The following PGAP2 variants were observed in gnomAD, a reference collection of about 807,000 sequenced individuals.
The protein encoded by PGAP2 is post-GPI attachment to proteins 2.
Under a neutral mutation model 33.2 loss-of-function variants are expected in PGAP2, and 21 were observed. That is an observed-to-expected ratio of 0.63 (90% confidence interval 0.45 to 0.91). The LOEUF (loss-of-function observed/expected upper bound fraction) is 0.91. PGAP2 is among the 40% of genes least tolerant of loss of function. PGAP2 has a pLI of 0.00. For missense variants in PGAP2, 345 were observed against 424.0 expected (o/e 0.81, Z 1.64); for synonymous variants, 161 against 172.9 (o/e 0.93, Z 0.54).
Position 3,823,899 on chromosome 11 carries a change from C to T in PGAP2, c.365C>T (p.Pro122Leu), listed in dbSNP as rs1395853662. 6.2e-7 allele frequency: 1 copy of T among 1,604,454 alleles called. No homozygotes were observed. Among genetic ancestry groups the T allele is most frequent in the South Asian group, 1.1e-5 (1 of 91,072 alleles). Residue 122 changes from proline to leucine, a missense_variant, in exon 4 of 7, where the codon CCC becomes CTC. Around this residue, in one of 2 missense-constraint regions of PGAP2, gnomAD observed 311 missense variants for 353.6 expected, o/e 0.88. Transcript: ENST00000278243. ...ATDCGVPNYL[P>L]SVSSAIGGEV... ...ACTCTCTAGGTGCCCAATTACCTGC[C>T]CTCGGTGAGCTCAGCCATCGGCGGG...
upstream of PGAP2, among the ~76,000 whole-genome samples, chr11:3,803,829 C>T (rs569178935): frequency 2.0e-5 from 3 of 149,168 alleles, 1 homozygote; most frequent in South Asian, 6.3e-4. Context: ...CTCATTGTGT[C>T]GCCCAGGCTG....
chr11:3,806,850 C>T (rs1253186776), upstream of PGAP2, among the ~76,000 whole-genome samples: 1 of 152,036 alleles, frequency 6.6e-6, no homozygotes, highest in Non-Finnish European at 1.5e-5. Context: ...GGCGAAACCC[C>T]ATCTCTACTA....
At chr11:3,817,798 G>C (rs1442781230) in intron 3 of PGAP2, 10 of 611,906 alleles carry the variant, frequency 1.6e-5, no homozygotes, top group Non-Finnish European at 3.0e-5. Context: ...TGTAATCTCA[G>C]CACCTCGGGA....
chr11:3,810,528 GT>G (rs1052660534), intron 1 of PGAP2, among the ~76,000 whole-genome samples: 3 of 152,196 alleles, frequency 2.0e-5, no homozygotes, highest in African/African-American at 7.2e-5. Context: ...TCACAGGAGG[GT>G]GATGTGGACA....
intron 1 of PGAP2, among the ~76,000 whole-genome samples, chr11:3,810,586 C>T (rs750825610): frequency 1.4e-4 from 22 of 152,202 alleles, no homozygotes; most frequent in Non-Finnish European, 2.9e-4. Context: ...AAGCAGCTCT[C>T]TCCAGCAAAC....
upstream of PGAP2, among the ~76,000 whole-genome samples, chr11:3,805,259 C>CTTTT (rs1171517604): frequency 1.6e-5 from 2 of 123,198 alleles, no homozygotes; most frequent in African/African-American, 3.0e-5. Flanking sequence ...TGTGGATATT[C>CTTTT]TTTTTTTTTT....
rs766732806 is a variant in PGAP2 at position 3,823,003 on chromosome 11, A to G, written c.349-880A>G. 1.5e-5 allele frequency: 16 copies of G among 1,045,416 alleles called. No homozygotes were observed. In the Admixed American group the frequency reaches 3.3e-4, roughly 21 times the overall value. The allele number at this position is 1,045,416 out of a possible 1,614,324, so 64.8% of individuals were successfully genotyped here. A position where few individuals can be genotyped will look rare whatever the true frequency, so the allele number is the denominator to read the frequency against. On this transcript the variant is annotated intron_variant, in intron 3 of 6. Transcript: ENST00000278243. ...CCTTAGACTACCCCAGGTTAGGAGC[A>G]CCCACTTTCTTTTTTCTTTTCTTTT...
At chr11:3,805,052 C>T (rs556080851), upstream of PGAP2, among the ~76,000 whole-genome samples, 27 of 152,034 alleles carry the variant, frequency 1.8e-4, no homozygotes, top group Admixed American at 9.8e-4. Flanking sequence ...TCAAGGTAGG[C>T]GAGGTCTTTC....
In PGAP2 at chr11:3,822,380, G is replaced by T. The variant is rs148460218; in HGVS notation, c.349-1503G>T. On this transcript the variant is annotated intron_variant, in intron 3 of 6. Coordinates refer to ENST00000278243, the MANE Select transcript of PGAP2 (RefSeq NM_014489.4). ...CTCCGTCTCAAAAAGAGAAAAAAAA[G>T]CAGATTCTGGCCAAGCGAGGTGGCT... 1.4e-3 allele frequency among the ~76,000 whole-genome samples: 214 copies of T among 148,684 alleles called. 1 individual carries two copies. Among genetic ancestry groups the T allele is most frequent in the African/African-American group, 5.1e-3 (205 of 40,418 alleles).
In PGAP2 at chr11:3,823,975, G is replaced by A. The variant is rs756799335; in HGVS notation, c.441G>A (p.Ala147=). The A allele has an allele frequency of 9.3e-6, 15 of 1,612,374 alleles. No individual in the cohort carries two copies. Among genetic ancestry groups the A allele is most frequent in the East Asian group, 4.5e-5 (2 of 44,896 alleles). ...GTTTCTGCATCGGCCTGCACTCGGC[G>A]CCTCGCTTCTTGGTGGCCTTCGCCT... ...VWRFCIGLHS[A]PRFLVAFAYW... The change falls in exon 4 of 7, where the codon GCG becomes GCA. Residue 147 remains alanine (A), a synonymous_variant. Transcript: ENST00000278243.
upstream of PGAP2, chr11:3,808,005 G>A: frequency 2.3e-6 from 3 of 1,327,720 alleles, no homozygotes; most frequent in Admixed American, 3.3e-5. Flanking sequence ...GTAGGACAGG[G>A]CGCCCTCTCC....
Position 3,825,408 on chromosome 11 carries a change from G to T in PGAP2, c.898G>T (p.Gly300Trp), listed in dbSNP as rs763097908. ...CCACATGACGGCCTGGTGGGACTTC[G>T]GGAACAAGGAGCTGCTCATAACCTC... is the stretch of plus-strand genomic sequence containing the variant. Reference protein sequence around the residue: ...AFHMTAWWDFGNKELLITSQP... With the variant: ...AFHMTAWWDFWNKELLITSQP... Residue 300 changes from glycine to tryptophan, a missense_variant, in exon 7 of 7, where the codon GGG (glycine) becomes TGG (tryptophan). Physicochemically the swap from Gly to Trp is radical, Grantham distance 184 (BLOSUM62 -2). Coordinates refer to ENST00000278243, the MANE Select transcript of PGAP2 (RefSeq NM_014489.4). 2.5e-6 allele frequency: 4 copies of T among 1,613,770 alleles called. No individual in the cohort carries two copies. Among genetic ancestry groups the T allele is most frequent in the African/African-American group, 1.3e-5 (1 of 74,878 alleles).
At chr11:3,825,258 A>G in intron 6 of PGAP2, 70 bp from the exon 7 acceptor site, 1 of 1,579,362 alleles carries the variant, frequency 6.3e-7, no homozygotes, top group Non-Finnish European at 8.7e-7. Flanking sequence ...TGGTGGTGTG[A>G]TTTATCAAGA....
intron 1 of PGAP2, among the ~76,000 whole-genome samples, chr11:3,801,635 C>G (rs2083465586): frequency 1.0e-5 from 1 of 95,302 alleles, no homozygotes; most frequent in African/African-American, 3.6e-5. Flanking sequence ...GAGCAAGACT[C>G]CATCTCAAAA....
At chr11:3,824,665 C>T (rs769521183) in intron 5 of PGAP2, 314 of 739,030 alleles carry the variant, frequency 4.2e-4, no homozygotes, top group Non-Finnish European at 6.3e-4. Flanking sequence ...GAGTTAGGAA[C>T]AGTGTCAGAG....
intron 3 of PGAP2, chr11:3,823,123 G>A (rs374158700): frequency 1.9e-5 from 10 of 533,608 alleles, no homozygotes; most frequent in African/African-American, 6.7e-5. Flanking sequence ...TGCAAGCTCC[G>A]CTTCCCAGGT....
chr11:3,810,866 T>C (rs575317985), intron 1 of PGAP2, among the ~76,000 whole-genome samples: 42 of 152,236 alleles, frequency 2.8e-4, no homozygotes, highest in Non-Finnish European at 3.2e-4. Context: ...GGGGAGGAGA[T>C]GGGCCATGCC....
At chr11:3,813,386 TA>T (rs150883229) in intron 2 of PGAP2, among the ~76,000 whole-genome samples, 14,011 of 149,786 alleles carry the variant, frequency 0.094, 897 homozygotes, top group Middle Eastern at 0.16. Context: ...CCAGCTTAAT[TA>T]AAAAAAAAAT....
At chr11:3,808,087 G>A (rs1313232103), upstream of PGAP2, 14 of 1,442,228 alleles carry the variant, frequency 9.7e-6, no homozygotes, top group Non-Finnish European at 1.2e-5. Flanking sequence ...TGCCTGCAAA[G>A]GTGCTCTTCC....
Sources: allele counts gnomAD v4.1 joint callset (sites outside exome capture counted in the v4.1 genomes callset), GRCh38; gene constraint gnomAD v4.1.1; regional missense constraint gnomAD v4.1.1; transcripts MANE v1.5; gene names NCBI Gene and HGNC (gene_info 2026-07-23, HGNC 2026-07-21).